The following LTBP1 variants were observed in gnomAD, a reference collection of about 807,000 sequenced individuals.
The protein encoded by LTBP1 is latent transforming growth factor beta binding protein 1.
A neutral mutation model predicts 207.6 loss-of-function variants in LTBP1; 129 were observed. The observed-to-expected ratio is 0.62, with a 90% CI of 0.54 to 0.72. LTBP1 has a LOEUF of 0.72. LTBP1 is among the 30% of genes least tolerant of loss of function. The pLI is 0.00. For missense variants in LTBP1, 2,281 were observed against 2,217.2 expected (o/e 1.03, Z -0.58); for synonymous variants, 963 against 833.7 (o/e 1.16, Z -2.67).
chr2:33,171,702 T>C (rs2085473376), intron 5 of LTBP1, among the ~76,000 whole-genome samples: 11 of 151,920 alleles, frequency 7.2e-5, no homozygotes, highest in Admixed American at 7.2e-4. Flanking sequence ...AGACACATAA[T>C]TGTCAGATTC....
chr2:33,129,481 A>G (rs2081631459), intron 4 of LTBP1, among the ~76,000 whole-genome samples: 2 of 152,222 alleles, frequency 1.3e-5, no homozygotes, highest in South Asian at 4.1e-4. Context: ...TTTTATCTAT[A>G]AAGTTAGAAG....
rs2076179198 is a variant in LTBP1, at chr2:33,041,422, C to T, written c.863+20216C>T. On this transcript the variant is annotated intron_variant, in intron 3 of 33. Transcript: ENST00000404816. ...GCCTCAGCCTCCCAAGTAGCTGGGA[C>T]TACAGGTGCCCGCCACCATGCCCAG... is the stretch of plus-strand genomic sequence containing the variant. Among the ~76,000 whole-genome samples the T allele has an allele frequency of 1.3e-5, 2 of 152,130 alleles. 1 individual carries two copies. Among genetic ancestry groups the T allele is most frequent in the Non-Finnish European group, 2.9e-5 (2 of 68,034 alleles).
chr2:33,191,574 A>G (rs2087882115), intron 7 of LTBP1, among the ~76,000 whole-genome samples: 1 of 152,266 alleles, frequency 6.6e-6, no homozygotes, highest in Non-Finnish European at 1.5e-5. Flanking sequence ...TTTAAAAAAT[A>G]CATTACTGGC....
At chr2:32,950,272 T>C (rs1676898465) in intron 2 of LTBP1, among the ~76,000 whole-genome samples, 2 of 152,224 alleles carry the variant, frequency 1.3e-5, no homozygotes, top group South Asian at 4.2e-4. Flanking sequence ...AAATACGGAA[T>C]AGGGCCTGGT....
Position 33,134,643 on chromosome 2 carries a change from T to C in LTBP1, c.1034-150T>C. 1.3e-6 allele frequency: 2 copies of C among 1,547,724 alleles called. No individual in the cohort carries two copies. The highest frequency in any genetic ancestry group is 2.5e-5 in the South Asian group (2 of 80,588). On this transcript the variant is annotated intron_variant, in intron 4 of 33. Coordinates refer to ENST00000404816, the MANE Select transcript of LTBP1 (RefSeq NM_206943.4). The surrounding 1 kb of genome is among the most constrained non-coding windows in gnomAD (Gnocchi z 4.4). ...CAGCGAGCACTGAAGGCTTCCCTCT[T>C]TCCTTAAACCTGTCGGGTTGTGGGC...
chr2:32,971,271 A>T (rs1680841224), intron 2 of LTBP1, among the ~76,000 whole-genome samples: 1 of 152,046 alleles, frequency 6.6e-6, no homozygotes, highest in African/African-American at 2.4e-5. Flanking sequence ...CTTCCAATGG[A>T]ATGCCTTTTA....
chr2:33,328,809 CTTTTA>C (rs1031026560), intron 24 of LTBP1, among the ~76,000 whole-genome samples: 3 of 152,136 alleles, frequency 2.0e-5, no homozygotes, highest in African/African-American at 7.2e-5. Flanking sequence ...TGTCTGGCTT[CTTTTA>C]TTCAACATTG....
chr2:33,360,889 A>G, intron 27 of LTBP1, 110 bp downstream of exon 27: 1 of 892,034 alleles, frequency 1.1e-6, no homozygotes, highest in South Asian at 1.7e-5. Context: ...GACTTACCTT[A>G]TAGTGAGTTT....
At chr2:33,303,877 T>G (rs2094039741) in intron 22 of LTBP1, among the ~76,000 whole-genome samples, 1 of 152,168 alleles carries the variant, frequency 6.6e-6, no homozygotes, top group African/African-American at 2.4e-5. Context: ...AGGACCCCTG[T>G]GCTAGGGCAC....
Position 33,004,786 on chromosome 2 carries a change from AATATATATATAT to A in LTBP1, c.566-16105_566-16094del, listed in dbSNP as rs34777461. Among the ~76,000 whole-genome samples, 61 of 101,106 alleles carry A rather than the reference AATATATATATAT, an allele frequency of 6.0e-4. No individual in the cohort carries two copies. The East Asian group carries it at 0.015, about 25-fold the overall frequency. The allele number at this position is 101,106 out of a possible 152,430, so 66.3% of individuals were successfully genotyped here. ...TGAGCCTCAGTCTCAAAAAAAAAGG[AATATATATATAT>A]ATATATATATATATATAAACATAAA... On this transcript the variant is annotated intron_variant, in intron 2 of 33. Transcript: ENST00000404816.
chr2:33,191,225 T>G (rs1261409536), intron 7 of LTBP1, among the ~76,000 whole-genome samples: 1 of 152,180 alleles, frequency 6.6e-6, no homozygotes, highest in Non-Finnish European at 1.5e-5. Flanking sequence ...ATTAGGTGAT[T>G]GTTAACAAGA....
At chr2:33,016,352 T>C (rs1379051869) in intron 2 of LTBP1, among the ~76,000 whole-genome samples, 1 of 152,110 alleles carries the variant, frequency 6.6e-6, no homozygotes, top group Non-Finnish European at 1.5e-5. Flanking sequence ...GGGAAAAAAA[T>C]GATTCAAAGA....
chr2:33,319,124 A>G (rs1271009740), intron 24 of LTBP1, among the ~76,000 whole-genome samples: 1 of 152,186 alleles, frequency 6.6e-6, no homozygotes, highest in Non-Finnish European at 1.5e-5. Flanking sequence ...CTGACCAGGC[A>G]CAGTGGTTCA....
At chr2:32,988,074 C>T (rs1001814734) in intron 2 of LTBP1, among the ~76,000 whole-genome samples, 1 of 152,116 alleles carries the variant, frequency 6.6e-6, no homozygotes, top group Non-Finnish European at 1.5e-5. Flanking sequence ...TGGCAGACAC[C>T]TATAGTGTAC....
chr2:33,224,699 A>G (rs2091334266), intron 9 of LTBP1, among the ~76,000 whole-genome samples: 1 of 152,184 alleles, frequency 6.6e-6, no homozygotes, highest in Non-Finnish European at 1.5e-5. Flanking sequence ...CCAAAATGTC[A>G]AATGTATTAA....
chr2:33,055,438 A>C (rs535620478), intron 3 of LTBP1, among the ~76,000 whole-genome samples: 1 of 152,192 alleles, frequency 6.6e-6, no homozygotes, highest in Non-Finnish European at 1.5e-5. Flanking sequence ...ACAGGTCAAC[A>C]GATGTTTACA....
At chr2:33,070,655 G>C (rs2077743146) in intron 3 of LTBP1, among the ~76,000 whole-genome samples, 1 of 152,204 alleles carries the variant, frequency 6.6e-6, no homozygotes, top group Non-Finnish European at 1.5e-5. Context: ...ATTCTTTGCT[G>C]CTTACAGCTT....
intron 3 of LTBP1, among the ~76,000 whole-genome samples, chr2:33,031,828 G>A (rs1413585278): frequency 2.0e-5 from 3 of 152,110 alleles, no homozygotes; most frequent in African/African-American, 7.2e-5. Flanking sequence ...GTAGGGCTCC[G>A]AGGAATATGA....
chr2:33,349,712 T>C (rs2094753911), intron 26 of LTBP1, among the ~76,000 whole-genome samples: 1 of 152,266 alleles, frequency 6.6e-6, no homozygotes, highest in African/African-American at 2.4e-5. Flanking sequence ...TTTTACTGAA[T>C]CAACTTTATC....
Sources: gnomAD v4.1 joint callset for allele counts (sites outside exome capture counted in the v4.1 genomes callset) on GRCh38, gnomAD v4.1.1 for gene constraint, Gnocchi (gnomAD v3.1) non-coding constraint, MANE v1.5 for transcripts, NCBI Gene and HGNC (gene_info 2026-07-23, HGNC 2026-07-21) for gene names.